The following TRPC4 variants were observed in gnomAD, a reference collection of about 807,000 sequenced individuals.
TRPC4 encodes short transient receptor potential channel 4.
Under a neutral mutation model 99.4 loss-of-function variants are expected in TRPC4, and 49 were observed. The observed-to-expected ratio is 0.49, with a 90% CI of 0.39 to 0.63. The LOEUF (loss-of-function observed/expected upper bound fraction) is 0.63. Ranked by LOEUF, TRPC4 falls within the 20% of genes least tolerant of loss-of-function variation. The probability of loss-of-function intolerance (pLI) is 0.00; values close to 1 mark genes in which losing one functional copy is unlikely to be tolerated. For missense variants in TRPC4, 898 were observed against 1,152.9 expected (o/e 0.78, Z 3.20); for synonymous variants, 454 against 425.9 (o/e 1.07, Z -0.81).
At chr13:37,712,372 T>G (rs1954515079) in intron 3 of TRPC4, among the ~76,000 whole-genome samples, 1 of 152,186 alleles carries the variant, frequency 6.6e-6, no homozygotes, top group African/African-American at 2.4e-5. Flanking sequence ...TCTCCAAGAC[T>G]TTAGAAATGG....
chr13:37,756,917 G>T (rs74362997), intron 2 of TRPC4, among the ~76,000 whole-genome samples: 1 of 151,752 alleles, frequency 6.6e-6, no homozygotes, highest in Non-Finnish European at 1.5e-5. Context: ...AAAGAAATTC[G>T]GCACGATTAC....
intron 5 of TRPC4, among the ~76,000 whole-genome samples, chr13:37,668,076 G>C (rs1413542943): frequency 6.6e-6 from 1 of 152,170 alleles, no homozygotes; most frequent in Non-Finnish European, 1.5e-5. Flanking sequence ...TGGACATTAG[G>C]ATCCTGCTGA....
chr13:37,714,310 A>T (rs1954591043), intron 3 of TRPC4, among the ~76,000 whole-genome samples: 1 of 151,984 alleles, frequency 6.6e-6, no homozygotes, highest in African/African-American at 2.4e-5. Flanking sequence ...TATTTTCAGT[A>T]GAGACAGGGT....
At chr13:37,786,214 T>C (rs1956964306) in intron 1 of TRPC4, among the ~76,000 whole-genome samples, 1 of 151,778 alleles carries the variant, frequency 6.6e-6, no homozygotes, top group African/African-American at 2.4e-5. Context: ...TTTAAATATG[T>C]TTAAAATGTA....
rs376794547 is a variant in TRPC4, at chr13:37,736,823, G to A, written c.897+9114C>T. Among the ~76,000 whole-genome samples, 3 of 151,676 alleles carry A rather than the reference G, an allele frequency of 2.0e-5. No homozygotes were observed. The South Asian group carries it at 6.3e-4, about 32-fold the overall frequency. On this transcript the variant is annotated intron_variant, in intron 3 of 10. Transcript: ENST00000379705. ...GGCTCACTGCAGCCTCAACCTCCTG[G>A]GCTCAATTGATCCTCCCATCTCAGG...
chr13:37,790,691 C>T (rs905410263), intron 1 of TRPC4, among the ~76,000 whole-genome samples: 2 of 152,114 alleles, frequency 1.3e-5, no homozygotes, highest in African/African-American at 4.8e-5. Context: ...CATTTTCCCG[C>T]CTTGAAAGAT....
rs1952184205 is a variant in TRPC4, at chr13:37,655,149, G to A, written c.1823C>T (p.Ser608Phe). Reference sequence around the variant, plus strand: ...TAACATGTTGAGTAGAACAACCAGAGAGATGACATTGTATGTCCCAAACAT... The same window carrying A: ...TAACATGTTGAGTAGAACAACCAGAAAGATGACATTGTATGTCCCAAACAT... ...ATMFGTYNVI[S>F]LVVLLNMLIA... Residue 608 changes from serine (S) to phenylalanine (F), a missense_variant, in exon 7 of 11, where the codon TCT (serine) becomes TTT (phenylalanine). Physicochemically the swap from Ser to Phe is radical, Grantham distance 155. Transcript: ENST00000379705. The A allele has an allele frequency of 8.1e-6, 13 of 1,604,272 alleles. No homozygotes were observed. Among genetic ancestry groups the A allele is most frequent in the Non-Finnish European group, 1.1e-5 (13 of 1,174,460 alleles).
chr13:37,730,009 A>T (rs188957672), intron 3 of TRPC4, among the ~76,000 whole-genome samples: 22 of 152,258 alleles, frequency 1.4e-4, no homozygotes, highest in Admixed American at 1.3e-3. Flanking sequence ...GAATAGAAAA[A>T]TTAAAAACAG....
intron 3 of TRPC4, among the ~76,000 whole-genome samples, chr13:37,716,217 A>T (rs896135385): frequency 6.6e-6 from 1 of 152,190 alleles, no homozygotes; most frequent in Admixed American, 6.6e-5. Flanking sequence ...TCTTAGATGG[A>T]ATAATGCTTT....
At chr13:37,694,352 A>G (rs769284397) in intron 3 of TRPC4, among the ~76,000 whole-genome samples, 9 of 152,204 alleles carry the variant, frequency 5.9e-5, no homozygotes, top group Non-Finnish European at 2.9e-5. Flanking sequence ...CCGTGCATGC[A>G]GAACGAGTAA....
intron 1 of TRPC4, among the ~76,000 whole-genome samples, chr13:37,860,676 G>A (rs1164011643): frequency 6.6e-6 from 1 of 151,314 alleles, no homozygotes; most frequent in African/African-American, 2.4e-5. Context: ...GCATAAATAT[G>A]GATTTTCACC....
intron 2 of TRPC4, among the ~76,000 whole-genome samples, chr13:37,766,655 T>C (rs17056590): frequency 0.019 from 2,845 of 151,496 alleles, 93 homozygotes; most frequent in African/African-American, 0.065. Flanking sequence ...GCCTGGCTAT[T>C]ATGATTGGCT....
intron 8 of TRPC4, among the ~76,000 whole-genome samples, chr13:37,649,825 G>T (rs1433184332): frequency 6.7e-6 from 1 of 150,060 alleles, no homozygotes; most frequent in Non-Finnish European, 1.5e-5. Context: ...CAAATATCTG[G>T]AGTAAAATAA....
At chr13:37,644,821 G>A (rs901028792) in intron 8 of TRPC4, among the ~76,000 whole-genome samples, 25 of 133,422 alleles carry the variant, frequency 1.9e-4, no homozygotes, top group African/African-American at 6.8e-4. Context: ...TGTGGTGAGT[G>A]CAGATCGCGC....
At chr13:37,806,160 A>G (rs1957524903) in intron 1 of TRPC4, among the ~76,000 whole-genome samples, 1 of 152,134 alleles carries the variant, frequency 6.6e-6, no homozygotes, top group East Asian at 1.9e-4. Flanking sequence ...CTCAAAACAA[A>G]ATACAGGAAT....
At chr13:37,816,089 G>T (rs1412967512) in intron 1 of TRPC4, among the ~76,000 whole-genome samples, 1 of 151,254 alleles carries the variant, frequency 6.6e-6, no homozygotes, top group Admixed American at 6.6e-5. Context: ...CAGAATTTCT[G>T]GGACACAGAT....
At chr13:37,831,972 A>G (rs935870817) in intron 1 of TRPC4, among the ~76,000 whole-genome samples, 3 of 152,186 alleles carry the variant, frequency 2.0e-5, no homozygotes, top group Non-Finnish European at 4.4e-5. Context: ...GATCTATTGC[A>G]TAACATGTTG....
chr13:37,771,712 G>T (rs1956554914), intron 2 of TRPC4, among the ~76,000 whole-genome samples: 1 of 151,488 alleles, frequency 6.6e-6, no homozygotes, highest in Non-Finnish European at 1.5e-5. Context: ...TCGAGTCCTT[G>T]TTATTAAATT....
At chr13:37,810,397 G>A (rs1957643634) in intron 1 of TRPC4, among the ~76,000 whole-genome samples, 1 of 151,902 alleles carries the variant, frequency 6.6e-6, no homozygotes, top group African/African-American at 2.4e-5. Context: ...ATATCATTAT[G>A]ACATAAAAGA....
Sources: allele counts gnomAD v4.1 joint callset (sites outside exome capture counted in the v4.1 genomes callset), GRCh38; gene constraint gnomAD v4.1.1; transcripts MANE v1.5; gene names NCBI Gene and HGNC (gene_info 2026-07-23, HGNC 2026-07-21).